ASIC2: variants seen among roughly 807,000 people sequenced by gnomAD.
ASIC2 encodes the protein acid-sensing ion channel 2.
ASIC2 carries 25 observed loss-of-function variants against 57.3 expected under a neutral mutation model. The observed-to-expected ratio is 0.44, with a 90% CI of 0.32 to 0.61. The LOEUF (loss-of-function observed/expected upper bound fraction) is 0.61. Ranked by LOEUF, ASIC2 falls within the 20% of genes least tolerant of loss-of-function variation. The pLI is 0.06. For missense variants in ASIC2, 641 were observed against 738.1 expected, an observed-to-expected ratio of 0.87 and a Z score of 1.52; for synonymous variants, 319 against 307.5, an observed-to-expected ratio of 1.04 and a Z score of -0.39.
chr17:33,212,182 G>A (rs953953858), intron 1 of ASIC2, among the ~76,000 whole-genome samples: 1 of 152,190 alleles, frequency 6.6e-6, no homozygotes, highest in African/African-American at 2.4e-5. Context: ...CTGAAATCGT[G>A]AATATTACCT....
At chr17:34,047,506 CAGA>C (rs528028534) in intron 1 of ASIC2, among the ~76,000 whole-genome samples, 12,105 of 67,396 alleles carry the variant, frequency 0.18, 990 homozygotes, top group East Asian at 0.4. Flanking sequence ...CACCTTTCTC[CAGA>C]AAAAAAAAAA....
chr17:33,982,568 C>T (rs768959503), intron 1 of ASIC2, among the ~76,000 whole-genome samples: 27 of 152,164 alleles, frequency 1.8e-4, no homozygotes, highest in Admixed American at 3.3e-4. Context: ...TTCTCTAGCT[C>T]CTCCCAAGGC....
intron 1 of ASIC2, among the ~76,000 whole-genome samples, chr17:33,558,289 T>G (rs1185648952): frequency 6.6e-6 from 1 of 152,230 alleles, no homozygotes; most frequent in African/African-American, 2.4e-5. Flanking sequence ...TCATGTTTAG[T>G]AATTTTTGTT....
chr17:33,400,895 G>A lies in ASIC2; in HGVS notation c.556-288828C>T, dbSNP rs149061945. Among the ~76,000 whole-genome samples the A allele has an allele frequency of 7.9e-5, 12 of 152,240 alleles. No individual in the cohort carries two copies. In the East Asian group the frequency reaches 2.3e-3, roughly 29 times the overall value. ...ACTGCCTATAGGTTGAGTTGTGATG[G>A]TTTGGCAACAGTTTGGTGACAAACA... On this transcript the variant is annotated intron_variant, in intron 1 of 9. Coordinates refer to the ASIC2 transcript ENST00000359872.
intron 1 of ASIC2, among the ~76,000 whole-genome samples, chr17:33,342,324 A>ATGTGTGTGTGTACGTGTGTGTGTGTACG (rs556470755): frequency 1.1e-5 from 1 of 91,492 alleles, no homozygotes; most frequent in African/African-American, 3.7e-5. Flanking sequence ...GTGTGTGTAC[A>ATGTGTGTGTGTACGTGTGTGTGTGTACG]TGTGTGTGTG....
intron 1 of ASIC2, among the ~76,000 whole-genome samples, chr17:33,470,767 C>A (rs931952765): frequency 1.3e-5 from 2 of 152,200 alleles, no homozygotes; most frequent in Non-Finnish European, 2.9e-5. Context: ...TTGAAACTAC[C>A]TGCCCATACA....
chr17:33,526,294 C>A (rs1175031328), intron 1 of ASIC2, among the ~76,000 whole-genome samples: 1 of 152,072 alleles, frequency 6.6e-6, no homozygotes, highest in African/African-American at 2.4e-5. Context: ...AGGATGAAAC[C>A]CCAAGCAGTC....
chr17:34,056,946 A>G (rs1597997994), intron 1 of ASIC2, among the ~76,000 whole-genome samples: 1 of 152,208 alleles, frequency 6.6e-6, no homozygotes, highest in Non-Finnish European at 1.5e-5. Context: ...TCATTTAAAT[A>G]CCCTGGGGGA....
At chr17:33,651,836 A>G (rs942561333) in intron 1 of ASIC2, among the ~76,000 whole-genome samples, 1 of 152,212 alleles carries the variant, frequency 6.6e-6, no homozygotes. Flanking sequence ...ACATCAGAGA[A>G]ATAAAAAGGA....
intron 1 of ASIC2, among the ~76,000 whole-genome samples, chr17:33,473,607 G>A (rs1041149114): frequency 1.2e-4 from 19 of 152,164 alleles, no homozygotes; most frequent in Non-Finnish European, 2.1e-4. Context: ...GAATGAACAC[G>A]AGAACATTGT....
intron 5 of ASIC2, among the ~76,000 whole-genome samples, chr17:33,024,666 T>A (rs2091851952): frequency 6.6e-6 from 1 of 152,204 alleles, no homozygotes; most frequent in African/African-American, 2.4e-5. Flanking sequence ...CCCCCATCCA[T>A]GCTGGGCGGG....
At chr17:33,237,694 A>G (rs1908348750) in intron 1 of ASIC2, among the ~76,000 whole-genome samples, 1 of 152,222 alleles carries the variant, frequency 6.6e-6, no homozygotes. Context: ...TATCTCTACA[A>G]TAAATGCAAT....
intron 1 of ASIC2, among the ~76,000 whole-genome samples, chr17:33,285,973 T>C (rs986601241): frequency 6.6e-6 from 1 of 152,226 alleles, no homozygotes; most frequent in Non-Finnish European, 1.5e-5. Context: ...AGTGCTTACT[T>C]AGGGCCAGGA....
Position 33,059,566 on chromosome 17 carries a change from A to G in ASIC2, c.987+29297T>C, listed in dbSNP as rs189993581. 2.6e-5 allele frequency among the ~76,000 whole-genome samples: 4 copies of G among 152,310 alleles called. No homozygotes were observed. In the East Asian group the frequency reaches 7.7e-4, roughly 29 times the overall value. On this transcript the variant is annotated intron_variant, in intron 3 of 9. Coordinates refer to ENST00000225823, the MANE Select transcript of ASIC2 (RefSeq NM_183377.2). ...TCTTAATCCAGTCTATCATTGATGG[A>G]CATTTGGAATGGTTCCAAGTCTTTG... is the stretch of plus-strand genomic sequence containing the variant.
intron 1 of ASIC2, among the ~76,000 whole-genome samples, chr17:33,731,249 T>G (rs1157942460): frequency 6.6e-6 from 1 of 152,190 alleles, no homozygotes; most frequent in Non-Finnish European, 1.5e-5. Flanking sequence ...TGTCAGGTGT[T>G]TTTTGGGAAG....
chr17:33,783,928 C>G (rs558438406), intron 1 of ASIC2, among the ~76,000 whole-genome samples: 1 of 152,314 alleles, frequency 6.6e-6, no homozygotes, highest in South Asian at 2.1e-4. Context: ...CTTTCTACGC[C>G]ATACCGTCTC....
chr17:33,225,648 C>G (rs954306074), intron 1 of ASIC2, among the ~76,000 whole-genome samples: 2 of 152,148 alleles, frequency 1.3e-5, no homozygotes, highest in Non-Finnish European at 2.9e-5. Context: ...TCTTACAGCT[C>G]AGAAAGTGAA....
At chr17:33,667,239 G>C (rs1478089889) in intron 1 of ASIC2, among the ~76,000 whole-genome samples, 1 of 152,202 alleles carries the variant, frequency 6.6e-6, no homozygotes, top group Non-Finnish European at 1.5e-5. Context: ...ACGCTTAGAC[G>C]CAGGTGTGGT....
At chr17:33,295,787 CATAA>C (rs769149747), upstream of ASIC2, among the ~76,000 whole-genome samples, 227 of 152,174 alleles carry the variant, frequency 1.5e-3, 2 homozygotes, top group Non-Finnish European at 2.8e-3. Context: ...GAACTAGGCA[CATAA>C]ATAAATGTTA....
Sources: gnomAD v4.1 joint callset for allele counts (sites outside exome capture counted in the v4.1 genomes callset) on GRCh38, gnomAD v4.1.1 for gene constraint, MANE v1.5 for transcripts, NCBI Gene and HGNC (gene_info 2026-07-23, HGNC 2026-07-21) for gene names.